PHF21B: variants seen among roughly 807,000 people sequenced by gnomAD.
PHF21B encodes PHD finger protein 21B, also known as PHD finger protein 4.
In PHF21B, 22 loss-of-function variants were observed where a neutral mutation model predicts 62.2. The ratio of observed to expected loss-of-function variants is 0.35; its 90% CI spans 0.25 to 0.51. The LOEUF (loss-of-function observed/expected upper bound fraction) is 0.51. Ranked by LOEUF, PHF21B falls within the 20% of genes least tolerant of loss-of-function variation. The pLI, the probability that PHF21B is intolerant of heterozygous loss-of-function variation, is 0.97. For synonymous variants in PHF21B, 341 were observed against 314.7 expected, an observed-to-expected ratio of 1.08 and a Z score of -0.88; for missense variants, 701 against 707.9, an observed-to-expected ratio of 0.99 and a Z score of 0.11.
chr22:44,908,565 T>C (rs1375193076), intron 5 of PHF21B, among the ~76,000 whole-genome samples: 1 of 152,206 alleles, frequency 6.6e-6, no homozygotes, highest in African/African-American at 2.4e-5. Flanking sequence ...ACATGTGCCC[T>C]GCTGAGGGCA....
intron 2 of PHF21B, chr22:44,989,354 T>A (rs187538729): frequency 6.6e-6 from 1 of 152,286 alleles, no homozygotes; most frequent in East Asian, 1.9e-4. Flanking sequence ...ATTTTATTTG[T>A]GGGTGCCCTG....
Position 44,883,182 on chromosome 22 carries a change from C to G in PHF21B, c.1500G>C (p.Thr500=). 1.9e-6 allele frequency: 3 copies of G among 1,613,392 alleles called. No homozygotes were observed. Among genetic ancestry groups the G allele is most frequent in the Non-Finnish European group, 1.7e-6 (2 of 1,179,962 alleles). ...QGEQLLQVTM[T]TTSPAPLLAG... ...CCAGCAGTGGGGCAGGGCTAGTGGT[C>G]GTCATGGTGACCTGGAGCAGCTGCT... The change falls in exon 13 of 13, where the codon ACG becomes ACC. Residue 500 remains threonine (T), a synonymous_variant. Transcript: ENST00000313237.
At chr22:44,920,376 G>T (rs1173158417) in intron 3 of PHF21B, 22 bp downstream of exon 3, 1 of 1,585,168 alleles carries the variant, frequency 6.3e-7, no homozygotes, top group Admixed American at 1.7e-5. Flanking sequence ...GACACCCCAG[G>T]GCCCGCCCGA....
intron 7 of PHF21B, among the ~76,000 whole-genome samples, chr22:44,892,115 C>T (rs144594813): frequency 1.3e-5 from 2 of 152,286 alleles, no homozygotes; most frequent in Non-Finnish European, 2.9e-5. Context: ...CACACAGCAG[C>T]CTGCATTTTC....
In PHF21B at chr22:44,978,261, C is replaced by T. The variant is rs2072775138; in HGVS notation, c.120+30284G>A. ...TCCCACTTCCCACCCAGCAGCACTC[C>T]TCACACCCAGGAGCCCCCAACACCG... On this transcript the variant is annotated intron_variant, in intron 2 of 12. Coordinates refer to ENST00000313237, the MANE Select transcript of PHF21B (RefSeq NM_138415.5). 3.3e-5 allele frequency among the ~76,000 whole-genome samples: 5 copies of T among 152,288 alleles called. No individual in the cohort carries two copies. In the South Asian group the frequency reaches 1.0e-3, roughly 32 times the overall value.
At chr22:44,923,820 C>A (rs2071580872) in intron 2 of PHF21B, among the ~76,000 whole-genome samples, 1 of 151,890 alleles carries the variant, frequency 6.6e-6, no homozygotes, top group Admixed American at 6.6e-5. Flanking sequence ...GAGTTCAAAA[C>A]CAGCCTGTGC....
At chr22:44,922,784 C>CA (rs574787316) in intron 2 of PHF21B, among the ~76,000 whole-genome samples, 4 of 152,156 alleles carry the variant, frequency 2.6e-5, no homozygotes, top group Non-Finnish European at 5.9e-5. Context: ...AAGACCTGTA[C>CA]ACTGGAAACT....
chr22:44,997,283 G>A (rs919933303), intron 2 of PHF21B, among the ~76,000 whole-genome samples: 3 of 152,056 alleles, frequency 2.0e-5, no homozygotes, highest in East Asian at 1.9e-4. Context: ...TTCCCTTGAC[G>A]TGCCCACTTC....
At chr22:45,007,509 C>T (rs1178596790) in intron 2 of PHF21B, among the ~76,000 whole-genome samples, 3 of 135,836 alleles carry the variant, frequency 2.2e-5, no homozygotes, top group East Asian at 2.2e-4. Context: ...GCCGGCATTC[C>T]GAAGGAAACG....
intron 2 of PHF21B, among the ~76,000 whole-genome samples, chr22:44,927,734 A>G (rs1223962282): frequency 6.6e-6 from 1 of 152,134 alleles, no homozygotes; most frequent in Non-Finnish European, 1.5e-5. Context: ...TTTTTCTGGC[A>G]AGGGCTGACC....
intron 5 of PHF21B, among the ~76,000 whole-genome samples, chr22:44,908,587 C>T (rs763521004): frequency 1.5e-4 from 23 of 152,222 alleles, no homozygotes; most frequent in Admixed American, 3.9e-4. Context: ...GTGCCACTTT[C>T]TGGGGAGCTG....
intron 2 of PHF21B, among the ~76,000 whole-genome samples, chr22:44,991,588 T>C (rs1265964136): frequency 6.6e-6 from 1 of 152,090 alleles, no homozygotes; most frequent in Non-Finnish European, 1.5e-5. Flanking sequence ...GCTGTGGTCC[T>C]CTCTGTGGGG....
chr22:44,901,915 G>A, intron 5 of PHF21B: 1 of 233,836 alleles, frequency 4.3e-6, no homozygotes, highest in East Asian at 9.6e-5. Flanking sequence ...AAAATGCCTA[G>A]ATATTCTCCT....
intron 2 of PHF21B, among the ~76,000 whole-genome samples, chr22:44,945,866 C>A (rs2072058717): frequency 6.6e-6 from 1 of 152,118 alleles, no homozygotes. Context: ...GGGCCTCAGG[C>A]CCCAGGCAGT....
intron 5 of PHF21B, among the ~76,000 whole-genome samples, chr22:44,913,533 C>T (rs1179474832): frequency 1.3e-5 from 2 of 152,234 alleles, no homozygotes; most frequent in Non-Finnish European, 1.5e-5. Flanking sequence ...GAGCTGCTCA[C>T]GGTCACACCA....
At chr22:44,891,871 C>T (rs765158800) in intron 7 of PHF21B, among the ~76,000 whole-genome samples, 15 of 152,194 alleles carry the variant, frequency 9.9e-5, no homozygotes, top group Non-Finnish European at 1.9e-4. Context: ...CAGGCCACAC[C>T]GGTCTAAACC....
intron 5 of PHF21B, among the ~76,000 whole-genome samples, chr22:44,909,925 C>T (rs942100652): frequency 2.6e-5 from 4 of 152,218 alleles, no homozygotes; most frequent in Non-Finnish European, 5.9e-5. Context: ...TCTCACGACA[C>T]ACGCATTTTT....
intron 2 of PHF21B, among the ~76,000 whole-genome samples, chr22:44,966,845 C>T (rs905341790): frequency 1.3e-5 from 2 of 152,162 alleles, no homozygotes; most frequent in African/African-American, 2.4e-5. Flanking sequence ...TGCCCACACT[C>T]GAGTTAGTGC....
At chr22:44,907,442 G>T (rs1467371491) in intron 5 of PHF21B, among the ~76,000 whole-genome samples, 1 of 152,190 alleles carries the variant, frequency 6.6e-6, no homozygotes, top group African/African-American at 2.4e-5. Context: ...CAGGCCAGCC[G>T]TGTTCAGCGT....
Sources: allele counts gnomAD v4.1 joint callset (sites outside exome capture counted in the v4.1 genomes callset), GRCh38; gene constraint gnomAD v4.1.1; transcripts MANE v1.5; gene names NCBI Gene and HGNC (gene_info 2026-07-23, HGNC 2026-07-21).